The following RYR3 variants were observed in gnomAD, a reference collection of about 807,000 sequenced individuals.
RYR3 encodes the protein ryanodine receptor 3.
Under a neutral mutation model 584.3 loss-of-function variants are expected in RYR3, and 207 were observed. The ratio of observed to expected loss-of-function variants is 0.35; its 90% CI spans 0.32 to 0.40. The LOEUF (loss-of-function observed/expected upper bound fraction) is 0.40, where lower values mean the gene tolerates loss of function less well. Ranked by LOEUF, RYR3 falls within the 10% of genes least tolerant of loss-of-function variation. The pLI, the probability that RYR3 is intolerant of heterozygous loss-of-function variation, is 1.00. For missense variants in RYR3, 5,616 were observed against 6,089.2 expected, an observed-to-expected ratio of 0.92 and a Z score of 2.59; for synonymous variants, 2,416 against 2,248.5, an observed-to-expected ratio of 1.07 and a Z score of -2.11.
chr15:33,372,358 ATTTTTTTTT>A (rs59663566), intron 1 of RYR3, among the ~76,000 whole-genome samples: 2 of 75,550 alleles, frequency 2.6e-5, no homozygotes, highest in African/African-American at 6.1e-5. Flanking sequence ...TGCCCGGCTA[ATTTTTTTTT>A]TTTTTTTTTT....
At chr15:33,539,076 T>C (rs2055578688) in intron 5 of RYR3, 1 of 230,486 alleles carries the variant, frequency 4.3e-6, no homozygotes, top group Non-Finnish European at 8.5e-6. Context: ...CCTATTTGCA[T>C]TAAAAATACT....
intron 1 of RYR3, among the ~76,000 whole-genome samples, chr15:33,367,851 C>G (rs909972732): frequency 6.6e-6 from 1 of 152,076 alleles, no homozygotes; most frequent in Admixed American, 6.5e-5. Flanking sequence ...TTCAGTCCAG[C>G]CTTACTATTT....
At chr15:33,320,585 A>T in intron 1 of RYR3, among the ~76,000 whole-genome samples, 1 of 152,182 alleles carries the variant, frequency 6.6e-6, no homozygotes, top group East Asian at 1.9e-4. Flanking sequence ...ATAACAATTA[A>T]TTTAACTTTT....
chr15:33,619,929 T>A lies in RYR3; in HGVS notation c.2358-3878T>A, dbSNP rs147863938. ...TTCTGGGACCCTTTTGTAGTTTTCT[T>A]AGCCTCAGGCTGGGAACTTCTGACC... On this transcript the variant is annotated intron_variant, in intron 19 of 103. Coordinates refer to ENST00000634891, the MANE Select transcript of RYR3 (RefSeq NM_001036.6). Among the ~76,000 whole-genome samples, 473 of 152,294 alleles carry A rather than the reference T, an allele frequency of 3.1e-3. 1 individual carries two copies. The highest frequency in any genetic ancestry group is 0.011 in the African/African-American group (460 of 41,572).
At chr15:33,757,326 G>T in intron 59 of RYR3, 149 bp from the exon 60 acceptor site, 1 of 833,772 alleles carries the variant, frequency 1.2e-6, no homozygotes. Context: ...AAATACGATG[G>T]AAACTGGGAC....
At chr15:33,762,016 T>G (rs2072495492) in intron 60 of RYR3, among the ~76,000 whole-genome samples, 1 of 152,176 alleles carries the variant, frequency 6.6e-6, no homozygotes, top group Non-Finnish European at 1.5e-5. Flanking sequence ...ACCACATGAT[T>G]ATCTCAATAG....
intron 1 of RYR3, among the ~76,000 whole-genome samples, chr15:33,429,100 A>C (rs553264398): frequency 1.5e-4 from 23 of 152,292 alleles, no homozygotes; most frequent in African/African-American, 5.3e-4. Flanking sequence ...TCCTGCTCGC[A>C]TCCTTCGTCT....
intron 2 of RYR3, among the ~76,000 whole-genome samples, chr15:33,492,177 T>C (rs1000800147): frequency 1.8e-4 from 27 of 152,182 alleles, no homozygotes; most frequent in African/African-American, 5.8e-4. Flanking sequence ...TGTTACGTGC[T>C]TTCTTGCAGT....
At position 33,821,566 on chromosome 15, in the gene RYR3, C is replaced by G; in HGVS notation, c.10959C>G (p.Ile3653Met). 1.2e-6 allele frequency: 2 copies of G among 1,613,974 alleles called. No individual in the cohort carries two copies. Among genetic ancestry groups the G allele is most frequent in the South Asian group, 1.1e-5 (1 of 91,080 alleles). ...TGGTTGAGACGCTGAAGCTGGGGAT[C>G]GCCATTCTGAACGGAGGCAATGCTG... is the stretch of plus-strand genomic sequence containing the variant. Reference protein sequence around the residue: ...PMVVETLKLGIAILNGGNAGV... With the variant: ...PMVVETLKLGMAILNGGNAGV... The change falls in exon 80 of 104, where the codon ATC (isoleucine) becomes ATG (methionine). Residue 3653 changes from isoleucine to methionine, a missense_variant. Ile to Met is a conservative substitution (Grantham distance 10, BLOSUM62 1). Around this residue, in one of 9 missense-constraint regions of RYR3, gnomAD observed 954 missense variants for 1,132.2 expected, o/e 0.84. Coordinates refer to ENST00000634891, the MANE Select transcript of RYR3 (RefSeq NM_001036.6).
intron 57 of RYR3, among the ~76,000 whole-genome samples, chr15:33,750,878 A>G (rs1387607994): frequency 6.6e-6 from 1 of 151,634 alleles, no homozygotes; most frequent in Non-Finnish European, 1.5e-5. Context: ...CCCTACCCCC[A>G]CAACCCCCAC....
At chr15:33,857,982 G>A (rs2079879569) in intron 99 of RYR3, 68 bp downstream of exon 99, 1 of 1,595,888 alleles carries the variant, frequency 6.3e-7, no homozygotes, top group African/African-American at 1.3e-5. Flanking sequence ...CACCTCACTG[G>A]GAAGAAGGGC....
chr15:33,737,541 A>C (rs888013809), intron 49 of RYR3, among the ~76,000 whole-genome samples: 1 of 152,212 alleles, frequency 6.6e-6, no homozygotes, highest in African/African-American at 2.4e-5. Context: ...GCTAACAAGA[A>C]TTCCCAGAGG....
chr15:33,706,144 A>AAT (rs2066699682), intron 42 of RYR3, among the ~76,000 whole-genome samples: 1 of 152,248 alleles, frequency 6.6e-6, no homozygotes, highest in Admixed American at 6.5e-5. Context: ...CTTATAAAAA[A>AAT]AAAAATAAAA....
chr15:33,624,616 T>C (rs1566809859), intron 20 of RYR3, among the ~76,000 whole-genome samples: 1 of 152,132 alleles, frequency 6.6e-6, no homozygotes, highest in East Asian at 1.9e-4. Flanking sequence ...GGAGAAGAGT[T>C]GGAAAATAAA....
intron 60 of RYR3, among the ~76,000 whole-genome samples, chr15:33,763,904 A>AAAAAAAAAAAAAAAAC (rs1567121773): frequency 0.01 from 1,343 of 130,488 alleles, 33 homozygotes; most frequent in African/African-American, 0.041. Context: ...AAAAAAAAAA[A>AAAAAAAAAAAAAAAAC]AAAAAAAAAA....
intron 38 of RYR3, 97 bp from the exon 39 acceptor site, chr15:33,696,121 C>A: frequency 8.3e-7 from 1 of 1,204,132 alleles, no homozygotes; most frequent in Non-Finnish European, 1.2e-6. Context: ...TAACCTCAAC[C>A]AATGATGTGT....
chr15:33,366,683 G>A (rs960924022), intron 1 of RYR3, among the ~76,000 whole-genome samples: 5 of 152,156 alleles, frequency 3.3e-5, no homozygotes, highest in African/African-American at 1.2e-4. Context: ...GAAAATGATG[G>A]GTGTTGAGGA....
chr15:33,508,813 C>T (rs982965497), intron 3 of RYR3, among the ~76,000 whole-genome samples: 1 of 152,152 alleles, frequency 6.6e-6, no homozygotes, highest in Non-Finnish European at 1.5e-5. Flanking sequence ...GCTTTTGGCT[C>T]CTTTGATTTA....
At chr15:33,448,495 T>C (rs1393584847) in intron 1 of RYR3, among the ~76,000 whole-genome samples, 3 of 152,224 alleles carry the variant, frequency 2.0e-5, no homozygotes, top group Non-Finnish European at 2.9e-5. Flanking sequence ...CAGGCATTTC[T>C]GAAGAGAAAA....
Sources: allele counts gnomAD v4.1 joint callset (sites outside exome capture counted in the v4.1 genomes callset), GRCh38; gene constraint gnomAD v4.1.1; regional missense constraint gnomAD v4.1.1; transcripts MANE v1.5; gene names NCBI Gene and HGNC (gene_info 2026-07-23, HGNC 2026-07-21).